Variants in CASC3 observed in about 807,000 individuals in gnomAD.
CASC3 encodes the protein protein CASC3.
CASC3 carries 30 observed loss-of-function variants against 80.5 expected under a neutral mutation model. The observed-to-expected ratio is 0.37, with a 90% CI of 0.28 to 0.51. CASC3 has a LOEUF of 0.51. Among genes scored for constraint, CASC3 ranks in the 20% least tolerant of loss-of-function variants. CASC3 has a pLI of 0.94. For synonymous variants in CASC3, 312 were observed against 333.6 expected (o/e 0.94, Z 0.70); for missense variants, 824 against 922.2 (o/e 0.89, Z 1.38).
chr17:40,165,153 G>T (rs1989417753), intron 7 of CASC3, among the ~76,000 whole-genome samples: 1 of 151,556 alleles, frequency 6.6e-6, no homozygotes, highest in Non-Finnish European at 1.5e-5. Context: ...TCGATCTCCT[G>T]ACCTCGTGAT....
chr17:40,149,476 C>T (rs1055414074), intron 3 of CASC3, among the ~76,000 whole-genome samples: 2 of 151,244 alleles, frequency 1.3e-5, no homozygotes, highest in African/African-American at 4.9e-5. Flanking sequence ...GGAGAGGTAG[C>T]TTTGAGATCA....
chr17:40,151,448 G>T (rs1333892373), intron 3 of CASC3, among the ~76,000 whole-genome samples: 1 of 152,112 alleles, frequency 6.6e-6, no homozygotes, highest in Non-Finnish European at 1.5e-5. Flanking sequence ...CCAGTCTCAA[G>T]TGATCTACCC....
At chr17:40,162,185 C>T (rs762986486) in intron 5 of CASC3, 32 bp downstream of exon 5, 2 of 1,600,600 alleles carry the variant, frequency 1.2e-6, no homozygotes, top group Non-Finnish European at 1.7e-6. Context: ...TGCTGTCTAA[C>T]ATGTATTTTA....
chr17:40,157,365 A>AT (rs1451608167), intron 3 of CASC3, among the ~76,000 whole-genome samples: 53 of 149,044 alleles, frequency 3.6e-4, no homozygotes, highest in Non-Finnish European at 3.9e-4. Flanking sequence ...AAATAAATAA[A>AT]TAAATTAATT....
At position 40,168,325 on chromosome 17, in the gene CASC3, C is replaced by T; in HGVS notation, c.1873C>T (p.Pro625Ser). 1 of 1,614,104 alleles carries T rather than the reference C, an allele frequency of 6.2e-7. No homozygotes were observed. Among genetic ancestry groups the T allele is most frequent in the Non-Finnish European group, 8.5e-7 (1 of 1,180,026 alleles). ...QLLAPTYFSA[P>S]GVMNFGNPSY... ...GCTTGCTCCTACTTACTTTTCTGCTCCAGGCGTCATGAACTTTGGTAATCC... is the reference window on the plus strand; with the variant it reads ...GCTTGCTCCTACTTACTTTTCTGCTTCAGGCGTCATGAACTTTGGTAATCC... Residue 625 changes from proline to serine, a missense_variant, in exon 11 of 14, where the codon CCA becomes TCA. Pro to Ser is a moderately conservative substitution (Grantham distance 74, BLOSUM62 -1). Transcript: ENST00000264645.
intron 8 of CASC3, 47 bp downstream of exon 8, chr17:40,166,908 A>G: frequency 7.4e-7 from 1 of 1,353,052 alleles, no homozygotes; most frequent in Non-Finnish European, 1.0e-6. Flanking sequence ...TGCCTGTTAC[A>G]CAGCTTGTTC....
At chr17:40,144,211 A>G (rs1184857804) in intron 3 of CASC3, among the ~76,000 whole-genome samples, 1 of 152,078 alleles carries the variant, frequency 6.6e-6, no homozygotes, top group Non-Finnish European at 1.5e-5. Flanking sequence ...GTGAGCCAAG[A>G]TTGTGCCATT....
intron 9 of CASC3, 101 bp from the exon 10 acceptor site, chr17:40,167,749 C>A: frequency 1.5e-6 from 2 of 1,300,876 alleles, no homozygotes; most frequent in East Asian, 2.3e-5. Flanking sequence ...GTTTTCTTCG[C>A]ATGGAATATT....
chr17:40,162,571 T>G (rs960510921), intron 5 of CASC3, among the ~76,000 whole-genome samples, 154 bp from the exon 6 acceptor site: 4 of 152,146 alleles, frequency 2.6e-5, no homozygotes, highest in Non-Finnish European at 5.9e-5. Context: ...CACGCTTGCT[T>G]TGGGGAGGCC....
At chr17:40,155,847 C>T (rs1454708870) in intron 3 of CASC3, among the ~76,000 whole-genome samples, 1 of 152,098 alleles carries the variant, frequency 6.6e-6, no homozygotes, top group Non-Finnish European at 1.5e-5. Flanking sequence ...CATCCCTTTG[C>T]CAAAGCAGTG....
At chr17:40,164,565 G>C (rs1989396344) in intron 7 of CASC3, among the ~76,000 whole-genome samples, 1 of 151,740 alleles carries the variant, frequency 6.6e-6, no homozygotes, top group Non-Finnish European at 1.5e-5. Flanking sequence ...TCCTGCCTCA[G>C]CCTCCCGAGT....
rs56186811 is a variant in CASC3 at position 40,169,742 on chromosome 17, C to CTTTTTT, written c.*41+106_*41+111dup. The CTTTTTT allele has an allele frequency of 2.1e-3, 201 of 96,522 alleles. 37 individuals carry two copies. The highest frequency in any genetic ancestry group is 0.015 in the African/African-American group (175 of 11,730). The allele number at this position is 96,522 out of a possible 1,614,324, so 6.0% of individuals were successfully genotyped here. On this transcript the variant is annotated intron_variant, in intron 13 of 13. Coordinates refer to ENST00000264645, the MANE Select transcript of CASC3 (RefSeq NM_007359.5). ...ATAAACAAAAATCACTTAATTAATG[C>CTTTTTT]TTTTTTTTTTTTTTTTTTTTTTTTT...
At position 40,163,575 on chromosome 17, in the gene CASC3, A is replaced by G. The variant is rs765847201; in HGVS notation, c.880A>G (p.Arg294Gly). Residue 294 changes from arginine (R) to glycine (G), a missense_variant, in exon 7 of 14, where the codon AGG (arginine) becomes GGG (glycine). By Grantham distance (125) the Arg-to-Gly change is moderately radical (BLOSUM62 -2). This residue lies in a region of CASC3 where 201 missense variants were observed against 294.1 expected (regional missense o/e 0.68). Coordinates refer to ENST00000264645, the MANE Select transcript of CASC3 (RefSeq NM_007359.5). The part of the protein sequence containing the change: ...HQGLGGTLPP[R>G]TFINRNAAGT... ...GGGTCTTGGGGGCACCCTACCACCAAGGACATTTATTAACAGGAATGCTGC... is the reference window on the plus strand; with the variant it reads ...GGGTCTTGGGGGCACCCTACCACCAGGGACATTTATTAACAGGAATGCTGC... 6.2e-7 allele frequency: 1 copy of G among 1,614,184 alleles called. No homozygotes were observed. Among genetic ancestry groups the G allele is most frequent in the Non-Finnish European group, 8.5e-7 (1 of 1,180,034 alleles).
In CASC3 at chr17:40,140,754, C is replaced by T. The variant is rs531575982; in HGVS notation, c.206C>T (p.Ala69Val). ...CTGCGGCGGGTGGAGAGCGGGGGCGCCAAGAGTGCTGAGGAGTCGGAGTGT... is the reference window on the plus strand; with the variant it reads ...CTGCGGCGGGTGGAGAGCGGGGGCGTCAAGAGTGCTGAGGAGTCGGAGTGT... ...LHLRRVESGG[A>V]KSAEESECES... The change falls in exon 1 of 14, where the codon GCC (alanine) becomes GTC (valine). Residue 69 changes from alanine to valine, a missense_variant. Physicochemically the swap from Ala to Val is moderately conservative, Grantham distance 64 (BLOSUM62 0). Around this residue, in one of 3 missense-constraint regions of CASC3, gnomAD observed 159 missense variants for 122.2 expected, o/e 1.30. Transcript: ENST00000264645. 6.6e-7 allele frequency: 1 copy of T among 1,513,610 alleles called. No individual in the cohort carries two copies. The highest frequency in any genetic ancestry group is 2.5e-5 in the East Asian group (1 of 40,378). The allele number at this position is 1,513,610 out of a possible 1,614,324, so 93.8% of individuals were successfully genotyped here. A position where few individuals can be genotyped will look rare whatever the true frequency, so the allele number is the denominator to read the frequency against.
chr17:40,140,569 G>A lies in CASC3; in HGVS notation c.21G>A (p.Gln7=). The change falls in exon 1 of 14, where the codon CAG becomes CAA. Residue 7 remains glutamine, a synonymous_variant. Transcript: ENST00000264645. ...GTAAGATGGCGGACCGGCGGCGGCA[G>A]CGCGCTTCGCAAGACACCGAGGACG... MADRRR[Q]RASQDTEDEE... 2 of 1,608,676 alleles carry A rather than the reference G, an allele frequency of 1.2e-6. No individual in the cohort carries two copies. Among genetic ancestry groups the A allele is most frequent in the Non-Finnish European group, 1.7e-6 (2 of 1,179,622 alleles).
Position 40,146,577 on chromosome 17 carries a change from C to T in CASC3, c.297+4970C>T, listed in dbSNP as rs183305895. 4.3e-3 allele frequency among the ~76,000 whole-genome samples: 658 copies of T among 151,860 alleles called. 4 individuals carry two copies. The highest frequency in any genetic ancestry group is 0.015 in the African/African-American group (630 of 41,426). On this transcript the variant is annotated intron_variant, in intron 3 of 13. Coordinates refer to ENST00000264645, the MANE Select transcript of CASC3 (RefSeq NM_007359.5). ...TCAGCCTCCCAAGTAGCTGGGATTA[C>T]AGGCGCACGCCACCATGCCTGGCTG...
At chr17:40,143,320 C>T (rs1988771527) in intron 3 of CASC3, among the ~76,000 whole-genome samples, 1 of 151,938 alleles carries the variant, frequency 6.6e-6, no homozygotes, top group South Asian at 2.1e-4. Flanking sequence ...GTCCCGCATG[C>T]CTGTAATTCC....
intron 3 of CASC3, among the ~76,000 whole-genome samples, chr17:40,147,503 C>T (rs977129628): frequency 2.0e-5 from 3 of 151,816 alleles, no homozygotes; most frequent in African/African-American, 7.3e-5. Context: ...AAAAATTATC[C>T]GGTCTTGGTG....
At position 40,168,334 on chromosome 17, in the gene CASC3, A is replaced by T; in HGVS notation, c.1882A>T (p.Met628Leu). ...APTYFSAPGV[M>L]NFGNPSYPYA... ...TACTTACTTTTCTGCTCCAGGCGTC[A>T]TGAACTTTGGTAATCCCAGTTACCC... The change falls in exon 11 of 14, where the codon ATG becomes TTG. Residue 628 changes from methionine (M) to leucine (L), a missense_variant. Transcript: ENST00000264645. 6.2e-7 allele frequency: 1 copy of T among 1,614,104 alleles called. No homozygotes were observed. The highest frequency in any genetic ancestry group is 1.6e-4 in the Middle Eastern group (1 of 6,062).
Sources: gnomAD v4.1 joint callset for allele counts (sites outside exome capture counted in the v4.1 genomes callset) on GRCh38, gnomAD v4.1.1 for gene constraint, gnomAD v4.1.1 regional missense constraint, MANE v1.5 for transcripts, NCBI Gene and HGNC (gene_info 2026-07-23, HGNC 2026-07-21) for gene names.